MGRN1: variants seen among roughly 807,000 people sequenced by gnomAD.
MGRN1 encodes E3 ubiquitin-protein ligase MGRN1.
Under a neutral mutation model 69.2 loss-of-function variants are expected in MGRN1, and 29 were observed. That is an observed-to-expected ratio of 0.42 (90% CI 0.31 to 0.57). The LOEUF (loss-of-function observed/expected upper bound fraction) is 0.57. MGRN1 is among the 20% of genes least tolerant of loss of function. The probability of loss-of-function intolerance (pLI) is 0.15; values close to 1 mark genes in which losing one functional copy is unlikely to be tolerated. For missense variants in MGRN1, 998 were observed against 796.2 expected (o/e 1.25, Z -3.05); for synonymous variants, 470 against 344.2 (o/e 1.37, Z -4.04).
chr16:4,628,662 A>G (rs1378730089), intron 1 of MGRN1, among the ~76,000 whole-genome samples: 1 of 152,038 alleles, frequency 6.6e-6, no homozygotes, highest in East Asian at 1.9e-4. Flanking sequence ...CTCCTGTTTC[A>G]GCCTCCTGAG....
At chr16:4,685,323 G>T (rs2079285618) in intron 16 of MGRN1, among the ~76,000 whole-genome samples, 1 of 152,224 alleles carries the variant, frequency 6.6e-6, no homozygotes, top group African/African-American at 2.4e-5. Context: ...CCTCCCCTCT[G>T]TGGCCAGGCC....
chr16:4,653,705 G>A (rs888473414), intron 4 of MGRN1, among the ~76,000 whole-genome samples: 1 of 151,624 alleles, frequency 6.6e-6, no homozygotes, highest in Non-Finnish European at 1.5e-5. Flanking sequence ...GGCCAGGATG[G>A]TCTCAATCTC....
At chr16:4,670,432 G>A (rs150052018) in intron 8 of MGRN1, among the ~76,000 whole-genome samples, 1 of 152,184 alleles carries the variant, frequency 6.6e-6, no homozygotes, top group African/African-American at 2.4e-5. Context: ...TTGTAGAGAT[G>A]AGGTTTTGCC....
chr16:4,627,345 T>C (rs1265882258), intron 1 of MGRN1, among the ~76,000 whole-genome samples: 1 of 152,282 alleles, frequency 6.6e-6, no homozygotes, highest in Non-Finnish European at 1.5e-5. Flanking sequence ...CAGCATGTTC[T>C]GCAGCAGCGC....
chr16:4,681,533 G>A lies in MGRN1; in HGVS notation c.1132-17G>A, dbSNP rs957427828. 1.2e-6 allele frequency: 2 copies of A among 1,602,740 alleles called. No homozygotes were observed. The highest frequency in any genetic ancestry group is 1.3e-5 in the African/African-American group (1 of 74,722). On this transcript the variant is annotated splice_polypyrimidine_tract_variant and intron_variant, in intron 12 of 16. Coordinates refer to ENST00000262370, the MANE Select transcript of MGRN1 (RefSeq NM_015246.4). Reference sequence around the variant, plus strand: ...GGTCCCTGGGCATGAGCCCCCTCACGCACCCTGTCCCTACAGAACTCTGAC... The same window carrying A: ...GGTCCCTGGGCATGAGCCCCCTCACACACCCTGTCCCTACAGAACTCTGAC...
intron 10 of MGRN1, among the ~76,000 whole-genome samples, chr16:4,674,127 G>C (rs1221747265): frequency 6.6e-6 from 1 of 152,140 alleles, no homozygotes; most frequent in Non-Finnish European, 1.5e-5. Context: ...TGGGATTGCA[G>C]GCAACTGCCA....
chr16:4,664,406 T>G, intron 5 of MGRN1: 2 of 416,718 alleles, frequency 4.8e-6, no homozygotes, highest in Non-Finnish European at 4.4e-6. Context: ...GGGGTTTCCG[T>G]TTGGGGTGAT....
At chr16:4,668,415 A>G in intron 8 of MGRN1, 103 bp downstream of exon 8, 1 of 1,234,198 alleles carries the variant, frequency 8.1e-7, no homozygotes, top group Middle Eastern at 1.9e-4. Flanking sequence ...ACACACGCAC[A>G]TATACTCATA....
chr16:4,650,229 G>A, intron 1 of MGRN1, 136 bp from the exon 2 acceptor site: 2 of 618,864 alleles, frequency 3.2e-6, no homozygotes, highest in South Asian at 2.1e-5. Context: ...CTTGAACCCG[G>A]TGGGCGGAGC....
In MGRN1 at chr16:4,680,019, TTTATC is replaced by T; in HGVS notation, c.1066-10_1066-6del. 2 of 1,613,300 alleles carry T rather than the reference TTTATC, an allele frequency of 1.2e-6. No individual in the cohort carries two copies. The highest frequency in any genetic ancestry group is 1.7e-6 in the Non-Finnish European group (2 of 1,179,540). On this transcript the variant is annotated splice_region_variant and splice_polypyrimidine_tract_variant and intron_variant, in intron 11 of 16. Coordinates refer to ENST00000262370, the MANE Select transcript of MGRN1 (RefSeq NM_015246.4). The stretch of plus-strand genomic sequence containing the variant: ...GGTGGTAGTTGTAAAACATATGATT[TTTATC>T]TTGACAGTGTCCCTTTAAAAAATCA...
At chr16:4,688,550 G>C (rs2079387258) in intron 16 of MGRN1, 1 of 1,271,492 alleles carries the variant, frequency 7.9e-7, no homozygotes, top group Non-Finnish European at 9.9e-7. Flanking sequence ...CGGGGCTGCA[G>C]ATCTGCTGTG....
At chr16:4,628,079 C>CA (rs747646208) in intron 1 of MGRN1, among the ~76,000 whole-genome samples, 2,346 of 57,820 alleles carry the variant, frequency 0.041, 37 homozygotes, top group Admixed American at 0.054. Flanking sequence ...GACTCCGTCT[C>CA]AAAAAAAAAA....
chr16:4,646,171 C>T (rs1024901767), intron 1 of MGRN1, among the ~76,000 whole-genome samples: 1 of 152,158 alleles, frequency 6.6e-6, no homozygotes. Context: ...TGGCTCACGC[C>T]TGTAATCCCA....
intron 5 of MGRN1, among the ~76,000 whole-genome samples, chr16:4,663,844 G>A (rs1485554114): frequency 1.3e-5 from 2 of 152,246 alleles, no homozygotes; most frequent in Non-Finnish European, 2.9e-5. Context: ...GGGCCGTGGG[G>A]AAGAGGGTGG....
chr16:4,646,723 G>C (rs762302905), intron 1 of MGRN1, among the ~76,000 whole-genome samples: 2 of 152,250 alleles, frequency 1.3e-5, no homozygotes, highest in African/African-American at 2.4e-5. Context: ...GAGACATGTC[G>C]GCCGGGAGGT....
At chr16:4,659,439 G>T (rs966248706) in intron 5 of MGRN1, among the ~76,000 whole-genome samples, 1 of 152,206 alleles carries the variant, frequency 6.6e-6, no homozygotes, top group African/African-American at 2.4e-5. Flanking sequence ...CCATGGGTTT[G>T]CAGGTGAGGT....
intron 10 of MGRN1, among the ~76,000 whole-genome samples, chr16:4,675,275 T>C (rs1048081786): frequency 6.6e-6 from 1 of 152,004 alleles, no homozygotes; most frequent in African/African-American, 2.4e-5. Flanking sequence ...CCCTGCCTTG[T>C]TTTTAAAATT....
At chr16:4,688,726 A>T in intron 16 of MGRN1, 70 bp from the exon 17 acceptor site, 1 of 1,486,372 alleles carries the variant, frequency 6.7e-7, no homozygotes, top group African/African-American at 1.4e-5. Context: ...GGGGCTCCAG[A>T]TCGGTAGGAG....
At chr16:4,657,150 G>A (rs1352786437) in intron 4 of MGRN1, 96 bp from the exon 5 acceptor site, 1 of 1,168,678 alleles carries the variant, frequency 8.6e-7, no homozygotes, top group Non-Finnish European at 1.3e-6. Context: ...CAAAAGACAG[G>A]TGTCTGCGGC....
Sources: allele counts gnomAD v4.1 joint callset (sites outside exome capture counted in the v4.1 genomes callset), GRCh38; gene constraint gnomAD v4.1.1; transcripts MANE v1.5; gene names NCBI Gene and HGNC (gene_info 2026-07-23, HGNC 2026-07-21).